TEX9: variants seen among roughly 807,000 people sequenced by gnomAD.
The protein encoded by TEX9 is testis expressed 9, also known as testis-expressed protein 9.
A neutral mutation model predicts 59.6 loss-of-function variants in TEX9; 74 were observed. The ratio of observed to expected loss-of-function variants is 1.24; its 90% confidence interval spans 1.03 to 1.51. The LOEUF is 1.51. Among genes scored for constraint, TEX9 ranks in the 40% most tolerant of loss-of-function variants. TEX9 has a pLI of 0.00. For missense variants in TEX9, 522 were observed against 447.8 expected, an observed-to-expected ratio of 1.17 and a Z score of -1.49; for synonymous variants, 186 against 152.2, an observed-to-expected ratio of 1.22 and a Z score of -1.64.
chr15:56,448,370 G>T (rs1311898289), downstream of TEX9, among the ~76,000 whole-genome samples: 15 of 152,130 alleles, frequency 9.9e-5, no homozygotes, highest in African/African-American at 3.6e-4. Context: ...AATCAAATGG[G>T]TTGTTTTTTA....
At chr15:56,272,759 C>A (rs1275442509) in intron 1 of TEX9, among the ~76,000 whole-genome samples, 1 of 151,984 alleles carries the variant, frequency 6.6e-6, no homozygotes, top group Non-Finnish European at 1.5e-5. Flanking sequence ...ATAACATACT[C>A]TTTTATTTAG....
At chr15:56,407,125 C>T (rs2140099237) in intron 9 of TEX9, among the ~76,000 whole-genome samples, 1 of 151,818 alleles carries the variant, frequency 6.6e-6, no homozygotes, top group East Asian at 1.9e-4. Context: ...TATAAATTGA[C>T]CTGTAATCTA....
intron 1 of TEX9, among the ~76,000 whole-genome samples, chr15:56,249,690 T>A (rs1462499990): frequency 1.5e-5 from 2 of 129,400 alleles, no homozygotes; most frequent in African/African-American, 3.0e-5. Context: ...TTGCAGTGAG[T>A]CGAGATTGTG....
At chr15:56,341,689 A>G (rs1263329331) in intron 1 of TEX9, among the ~76,000 whole-genome samples, 1 of 152,204 alleles carries the variant, frequency 6.6e-6, no homozygotes. Flanking sequence ...TGAGCAGAAA[A>G]ATAATAGTAA....
At chr15:56,269,687 C>T (rs1277900713) in intron 1 of TEX9, among the ~76,000 whole-genome samples, 4 of 144,014 alleles carry the variant, frequency 2.8e-5, no homozygotes, top group African/African-American at 7.9e-5. Flanking sequence ...GAGTCTCGCT[C>T]TGTCTCCCAG....
chr15:56,394,579 T>C lies in TEX9; in HGVS notation c.655-82T>C, dbSNP rs1010897724. ...AAACGTGTATAAATATCAAAGAACA[T>C]ATGAAACGTCTTTTTTTCTGCTTTG... On this transcript the variant is annotated intron_variant, in intron 8 of 12. Coordinates refer to ENST00000352903, the Ensembl canonical transcript of TEX9. 5 of 1,030,354 alleles carry C rather than the reference T, an allele frequency of 4.9e-6. No individual in the cohort carries two copies. The Admixed American group carries it at 1.2e-4, about 24-fold the overall frequency. The allele number at this position is 1,030,354 out of a possible 1,614,324, so 63.8% of individuals were successfully genotyped here. A position where few individuals can be genotyped will look rare whatever the true frequency, so the allele number is the denominator to read the frequency against.
intron 1 of TEX9, among the ~76,000 whole-genome samples, chr15:56,352,071 C>T (rs1439289314): frequency 6.6e-6 from 1 of 152,146 alleles, no homozygotes. Context: ...TGTAAGTGAG[C>T]TTAAAGCTAT....
chr15:56,378,008 T>C (rs1319458004), intron 3 of TEX9, among the ~76,000 whole-genome samples: 1 of 152,186 alleles, frequency 6.6e-6, no homozygotes, highest in Non-Finnish European at 1.5e-5. Flanking sequence ...TCTGTTGATA[T>C]GATATATCAC....
In TEX9 at chr15:56,391,412, G is replaced by T; in HGVS notation, c.565G>T (p.Gly189Ter). The T allele has an allele frequency of 6.6e-7, 1 of 1,513,488 alleles. No homozygotes were observed. The highest frequency in any genetic ancestry group is 8.8e-7 in the Non-Finnish European group (1 of 1,131,322). The allele number at this position is 1,513,488 out of a possible 1,614,324, so 93.8% of individuals were successfully genotyped here. Residue 189 changes from glycine to a stop codon, truncating the protein, a stop_gained, in exon 7 of 13, where the codon GGA (glycine) becomes TGA (stop). Transcript: ENST00000352903. LOFTEE classifies it high-confidence loss of function. The stretch of plus-strand genomic sequence containing the variant: ...TTTTTCTGGTGTTAGTAATGACATT[G>T]GAACAGGTAGATTTTCTTTAGTTTT...
At position 56,293,565 on chromosome 15, in the gene TEX9, G is replaced by C. The variant is rs546799472; in HGVS notation, c.-107+49287G>C. Among the ~76,000 whole-genome samples the C allele has an allele frequency of 6.8e-4, 103 of 152,234 alleles. 1 individual carries two copies. The highest frequency in any genetic ancestry group is 2.3e-3 in the African/African-American group (97 of 41,542). On this transcript the variant is annotated intron_variant, in intron 1 of 5. Coordinates refer to the TEX9 transcript ENST00000560827. ...ATTCTAGAATGTTCTGGGGTGGGGGGTGTAGTTTGGCCACCACATGGCCTA... is the reference window on the plus strand; with the variant it reads ...ATTCTAGAATGTTCTGGGGTGGGGGCTGTAGTTTGGCCACCACATGGCCTA...
chr15:56,358,082 T>C (rs991574487), intron 1 of TEX9, among the ~76,000 whole-genome samples: 3 of 152,178 alleles, frequency 2.0e-5, no homozygotes, highest in Non-Finnish European at 4.4e-5. Context: ...ACTACCAGTC[T>C]AAATGACTTT....
intron 3 of TEX9, among the ~76,000 whole-genome samples, chr15:56,378,953 A>C (rs1220222320): frequency 6.6e-6 from 1 of 151,834 alleles, no homozygotes; most frequent in Non-Finnish European, 1.5e-5. Flanking sequence ...AGTCCCAACT[A>C]CTTGAGGGGC....
chr15:56,413,269 T>G (rs1299843368), intron 10 of TEX9, among the ~76,000 whole-genome samples: 1 of 102,710 alleles, frequency 9.7e-6, no homozygotes, highest in African/African-American at 3.7e-5. Flanking sequence ...ATTAAATAAT[T>G]TAATAATTAA....
intron 1 of TEX9, among the ~76,000 whole-genome samples, chr15:56,333,899 G>T (rs1484337033): frequency 6.6e-6 from 1 of 151,942 alleles, no homozygotes; most frequent in Non-Finnish European, 1.5e-5. Flanking sequence ...AAGATATCAA[G>T]AAACTAATCT....
upstream of TEX9, among the ~76,000 whole-genome samples, chr15:56,363,091 AT>A (rs1182977101): frequency 6.6e-6 from 1 of 151,928 alleles, no homozygotes; most frequent in Admixed American, 6.6e-5. Flanking sequence ...GTGTGTTTTC[AT>A]TTTCCTTGGG....
intron 1 of TEX9, among the ~76,000 whole-genome samples, chr15:56,272,930 A>AT (rs1188192443): frequency 1.7e-5 from 2 of 114,630 alleles, no homozygotes; most frequent in African/African-American, 5.9e-5. Flanking sequence ...TTATTTATTT[A>AT]TTTATTTATT....
chr15:56,250,533 G>T (rs1183935237), intron 1 of TEX9, among the ~76,000 whole-genome samples: 1 of 152,250 alleles, frequency 6.6e-6, no homozygotes, highest in Non-Finnish European at 1.5e-5. Context: ...AATTCCGAGT[G>T]TATTCAAGCT....
chr15:56,446,858 T>C (rs748244280), downstream of TEX9: 1 of 1,608,488 alleles, frequency 6.2e-7, no homozygotes, highest in South Asian at 1.1e-5. Flanking sequence ...TCATATTTAA[T>C]GGCATCCTTT....
chr15:56,349,649 T>C (rs562109375), intron 1 of TEX9, among the ~76,000 whole-genome samples: 2 of 152,238 alleles, frequency 1.3e-5, no homozygotes, highest in East Asian at 3.9e-4. Flanking sequence ...CTGTTCTTGG[T>C]CATTCTCCAG....
Sources: allele counts gnomAD v4.1 joint callset (sites outside exome capture counted in the v4.1 genomes callset), GRCh38; gene constraint gnomAD v4.1.1; transcripts MANE v1.5; gene names NCBI Gene and HGNC (gene_info 2026-07-23, HGNC 2026-07-21).